Variants in STPG2 observed in about 807,000 individuals in gnomAD.
STPG2 encodes the protein sperm tail PG-rich repeat containing 2.
Under a neutral mutation model 54.2 loss-of-function variants are expected in STPG2, and 56 were observed. The ratio of observed to expected loss-of-function variants is 1.03; its 90% CI spans 0.83 to 1.29. The LOEUF is 1.29. STPG2 is among the 50% of genes most tolerant of loss of function. The pLI is 0.00. For synonymous variants in STPG2, 200 were observed against 181.8 expected (o/e 1.10, Z -0.81); for missense variants, 596 against 544.9 (o/e 1.09, Z -0.93).
At chr4:97,453,359 T>C (rs542780282) in intron 4 of STPG2, among the ~76,000 whole-genome samples, 149 of 152,280 alleles carry the variant, frequency 9.8e-4, no homozygotes, top group African/African-American at 3.5e-3. Flanking sequence ...CACACACCCT[T>C]TGCTGCTCCA....
At chr4:97,967,443 T>C (rs1345370149) in intron 7 of STPG2, among the ~76,000 whole-genome samples, 2 of 152,014 alleles carry the variant, frequency 1.3e-5, no homozygotes, top group Non-Finnish European at 2.9e-5. Context: ...ATAGTAGACA[T>C]ATCAATGAGA....
At chr4:97,623,791 G>A (rs554707917) in intron 10 of STPG2, among the ~76,000 whole-genome samples, 92 of 151,860 alleles carry the variant, frequency 6.1e-4, no homozygotes, top group Non-Finnish European at 1.1e-3. Flanking sequence ...TTCCTCCCCC[G>A]ACACCCCCAC....
chr4:97,980,507 T>C (rs550659813), intron 6 of STPG2, among the ~76,000 whole-genome samples: 3 of 152,274 alleles, frequency 2.0e-5, no homozygotes, highest in African/African-American at 7.2e-5. Context: ...TCAGGTCTCA[T>C]GGAACCCTGG....
chr4:97,841,004 T>A (rs1339735378), intron 8 of STPG2, 72 bp from the exon 9 acceptor site: 1 of 1,451,372 alleles, frequency 6.9e-7, no homozygotes, highest in Non-Finnish European at 9.4e-7. Context: ...ACCAGATGGA[T>A]GGTTACAGTA....
chr4:97,891,295 A>C (rs1294335997), intron 8 of STPG2, among the ~76,000 whole-genome samples: 1 of 152,098 alleles, frequency 6.6e-6, no homozygotes, highest in Non-Finnish European at 1.5e-5. Context: ...AAATAAATTG[A>C]CTTTTATAAA....
At chr4:97,926,860 C>G (rs945849582) in intron 8 of STPG2, among the ~76,000 whole-genome samples, 1 of 151,950 alleles carries the variant, frequency 6.6e-6, no homozygotes, top group Non-Finnish European at 1.5e-5. Context: ...AAACATAACT[C>G]TACCATTTTT....
At chr4:97,568,638 GATA>G (rs1373880681) in intron 10 of STPG2, among the ~76,000 whole-genome samples, 1 of 151,918 alleles carries the variant, frequency 6.6e-6, no homozygotes, top group Admixed American at 6.6e-5. Context: ...AAGAGCAATA[GATA>G]ATAATAATTA....
At chr4:97,896,286 GAATT>G (rs1340458771) in intron 8 of STPG2, among the ~76,000 whole-genome samples, 1 of 151,614 alleles carries the variant, frequency 6.6e-6, no homozygotes, top group African/African-American at 2.4e-5. Flanking sequence ...AAGAAACATA[GAATT>G]AATATAAAAT....
chr4:97,655,609 CACTATA>C (rs1722199185), intron 10 of STPG2, among the ~76,000 whole-genome samples: 1 of 151,780 alleles, frequency 6.6e-6, no homozygotes, highest in Non-Finnish European at 1.5e-5. Context: ...TGTATAAAAC[CACTATA>C]ACTATATTTT....
intron 9 of STPG2, among the ~76,000 whole-genome samples, chr4:97,726,471 AGATAAAATTC>A (rs1378601654): frequency 6.6e-6 from 1 of 151,972 alleles, no homozygotes; most frequent in African/African-American, 2.4e-5. Context: ...GTTTTTAAAA[AGATAAAATTC>A]CAGATAACTG....
At chr4:97,793,140 T>C (rs1727055307) in intron 9 of STPG2, among the ~76,000 whole-genome samples, 1 of 151,692 alleles carries the variant, frequency 6.6e-6, no homozygotes, top group South Asian at 2.1e-4. Flanking sequence ...GGCGACACCA[T>C]CTCAAAAAAA....
intron 9 of STPG2, among the ~76,000 whole-genome samples, chr4:97,776,266 T>C (rs1726372633): frequency 6.6e-6 from 1 of 152,186 alleles, no homozygotes; most frequent in African/African-American, 2.4e-5. Flanking sequence ...TAGGCACTAA[T>C]AGTATCATGA....
chr4:97,767,708 A>G (rs985481488), intron 9 of STPG2, among the ~76,000 whole-genome samples: 1 of 152,210 alleles, frequency 6.6e-6, no homozygotes, highest in Non-Finnish European at 1.5e-5. Flanking sequence ...GTGTTATTTT[A>G]ATCAGTTTAT....
chr4:98,129,047 A>C (rs1454070546), intron 2 of STPG2, among the ~76,000 whole-genome samples: 1 of 152,158 alleles, frequency 6.6e-6, no homozygotes, highest in Non-Finnish European at 1.5e-5. Flanking sequence ...AATGTTTTGT[A>C]AAAGTAATTT....
intron 10 of STPG2, among the ~76,000 whole-genome samples, chr4:97,567,549 G>C (rs1047576203): frequency 6.6e-6 from 1 of 151,444 alleles, no homozygotes; most frequent in African/African-American, 2.4e-5. Context: ...ATTTGCACAA[G>C]GCTATTAATT....
At chr4:97,985,442 T>C (rs140285319) in intron 5 of STPG2, among the ~76,000 whole-genome samples, 294 of 152,292 alleles carry the variant, frequency 1.9e-3, no homozygotes, top group African/African-American at 7.0e-3. Context: ...AAATTAATAA[T>C]TGAAGACATA....
At position 97,752,601 on chromosome 4, in the gene STPG2, G is replaced by T. The variant is rs148428653; in HGVS notation, c.1205-39787C>A. On this transcript the variant is annotated intron_variant, in intron 9 of 10. Coordinates refer to ENST00000295268, the MANE Select transcript of STPG2 (RefSeq NM_174952.3). Reference sequence around the variant, plus strand: ...CCAAACTCTTCACCCTAGTATTCAAGGTCTTTTTACAAATCAGCTTTACAT... The same window carrying T: ...CCAAACTCTTCACCCTAGTATTCAATGTCTTTTTACAAATCAGCTTTACAT... Among the ~76,000 whole-genome samples the T allele has an allele frequency of 2.8e-3, 430 of 151,818 alleles. 3 individuals are homozygous for T. Among genetic ancestry groups the T allele is most frequent in the African/African-American group, 9.5e-3 (394 of 41,456 alleles).
intron 10 of STPG2, among the ~76,000 whole-genome samples, chr4:97,680,783 A>G (rs2148978712): frequency 7.5e-6 from 1 of 133,916 alleles, no homozygotes; most frequent in South Asian, 2.7e-4. Context: ...CTTATCAGAA[A>G]AGGTAAATTT....
At chr4:97,561,487 A>C (rs1732240766) in intron 10 of STPG2, among the ~76,000 whole-genome samples, 1 of 152,140 alleles carries the variant, frequency 6.6e-6, no homozygotes, top group African/African-American at 2.4e-5. Flanking sequence ...TTTTGTTGCC[A>C]CTGCTTTTGG....
Sources: gnomAD v4.1 joint callset for allele counts (sites outside exome capture counted in the v4.1 genomes callset) on GRCh38, gnomAD v4.1.1 for gene constraint, MANE v1.5 for transcripts, NCBI Gene and HGNC (gene_info 2026-07-23, HGNC 2026-07-21) for gene names.